The following POLR3E variants were observed in gnomAD, a reference collection of about 807,000 sequenced individuals.
POLR3E encodes RNA polymerase III subunit E.
In POLR3E, 41 loss-of-function variants were observed where a neutral mutation model predicts 96.6. That is an observed-to-expected ratio of 0.42 (90% confidence interval 0.33 to 0.55). The LOEUF (loss-of-function observed/expected upper bound fraction) is 0.55. Among genes scored for constraint, POLR3E ranks in the 20% least tolerant of loss-of-function variants. The pLI is 0.06. For synonymous variants in POLR3E, 396 were observed against 383.6 expected, an observed-to-expected ratio of 1.03 and a Z score of -0.38; for missense variants, 849 against 952.1, an observed-to-expected ratio of 0.89 and a Z score of 1.43.
chr16:22,324,804 G>T, intron 16 of POLR3E, 144 bp downstream of exon 16: 2 of 860,912 alleles, frequency 2.3e-6, no homozygotes, highest in South Asian at 3.0e-5. Context: ...GGTGTGAAGG[G>T]CAGGTGGGGG....
At chr16:22,328,914 T>C (rs2048671539) in intron 19 of POLR3E, 1 of 314,722 alleles carries the variant, frequency 3.2e-6, no homozygotes, top group Non-Finnish European at 6.2e-6. Context: ...TCACCTGAGG[T>C]TGGGAGTTTG....
intron 3 of POLR3E, chr16:22,305,535 G>C: frequency 1.8e-6 from 1 of 545,574 alleles, no homozygotes; most frequent in East Asian, 4.5e-5. Context: ...TTCCTCACTT[G>C]CAAAGTGGTG....
intron 9 of POLR3E, among the ~76,000 whole-genome samples, chr16:22,316,376 G>A (rs1035359349): frequency 1.3e-5 from 2 of 152,200 alleles, no homozygotes; most frequent in African/African-American, 4.8e-5. Context: ...TGGTGTACCT[G>A]TGTTACAGAC....
intron 5 of POLR3E, 32 bp downstream of exon 5, chr16:22,309,072 C>T: frequency 4.0e-6 from 6 of 1,488,712 alleles, no homozygotes; most frequent in South Asian, 1.1e-5. Flanking sequence ...TGTCCGGTTT[C>T]CCTGCGTTCA....
Position 22,305,170 on chromosome 16 carries a change from G to T in POLR3E, c.51G>T (p.Leu17Phe). The T allele has an allele frequency of 1.9e-6, 3 of 1,613,264 alleles. No homozygotes were observed. Among genetic ancestry groups the T allele is most frequent in the Non-Finnish European group, 2.5e-6 (3 of 1,179,316 alleles). The change falls in exon 3 of 21, where the codon TTG becomes TTT. Residue 17 changes from leucine (L) to phenylalanine (F), a missense_variant. Physicochemically the swap from Leu to Phe is conservative, Grantham distance 22 (BLOSUM62 0). Coordinates refer to ENST00000299853, the MANE Select transcript of POLR3E (RefSeq NM_018119.4). ...CTTCTTCCCAGATCGATGTGTACTTGGCCAAGAGTCTGGCGGAAAAGCTGT... is the reference window on the plus strand; with the variant it reads ...CTTCTTCCCAGATCGATGTGTACTTTGCCAAGAGTCTGGCGGAAAAGCTGT... ...DPVVQEIDVY[L>F]AKSLAEKLYL...
At chr16:22,329,829 A>G (rs920896232) in intron 19 of POLR3E, among the ~76,000 whole-genome samples, 4 of 152,068 alleles carry the variant, frequency 2.6e-5, no homozygotes, top group African/African-American at 9.7e-5. Context: ...GGGTCTCACT[A>G]TGTTGGCCAG....
At chr16:22,310,582 C>T (rs1036287187) in intron 6 of POLR3E, among the ~76,000 whole-genome samples, 20 of 149,552 alleles carry the variant, frequency 1.3e-4, no homozygotes, top group Admixed American at 4.7e-4. Context: ...CCACCATGCC[C>T]GGCCTGTGTC....
intron 2 of POLR3E, 48 bp downstream of exon 2, chr16:22,303,052 A>G (rs755070175): frequency 1.2e-5 from 19 of 1,557,532 alleles, no homozygotes; most frequent in Non-Finnish European, 1.6e-5. Flanking sequence ...AGGCAGTGGA[A>G]TTGGGTCCTT....
chr16:22,332,972 T>A (rs970044860), intron 20 of POLR3E, among the ~76,000 whole-genome samples: 2 of 142,496 alleles, frequency 1.4e-5, no homozygotes, highest in Non-Finnish European at 3.1e-5. Context: ...ACCCCCTTTT[T>A]TTTTTTTTTT....
At chr16:22,303,639 C>CTTTTTTTTTTTTTTTTTTTTTTTTTT (rs58949663) in intron 2 of POLR3E, among the ~76,000 whole-genome samples, 16 of 114,228 alleles carry the variant, frequency 1.4e-4, no homozygotes, top group African/African-American at 5.8e-4. Flanking sequence ...GCAGATTTCC[C>CTTTTTTTTTTTTTTTTTTTTTTTTTT]TTTTTTTTTT....
chr16:22,303,807 ATTTTT>A (rs56737281), intron 2 of POLR3E, among the ~76,000 whole-genome samples: 1 of 110,794 alleles, frequency 9.0e-6, no homozygotes, highest in African/African-American at 4.3e-5. Context: ...CGCCCGACTA[ATTTTT>A]TTTTTTTTTT....
At chr16:22,317,295 A>G in intron 12 of POLR3E, 89 bp downstream of exon 12, 2 of 936,718 alleles carry the variant, frequency 2.1e-6, no homozygotes, top group Non-Finnish European at 3.4e-6. Context: ...ACCAGGGGAC[A>G]AGGCCAGAGG....
chr16:22,309,532 G>C (rs780304873), intron 6 of POLR3E, 22 bp downstream of exon 6: 15 of 1,567,106 alleles, frequency 9.6e-6, no homozygotes, highest in Non-Finnish European at 1.3e-5. Flanking sequence ...TGGGTGTCCC[G>C]CGGTGGGGAC....
At chr16:22,304,166 T>G (rs928818830) in intron 2 of POLR3E, among the ~76,000 whole-genome samples, 1 of 152,118 alleles carries the variant, frequency 6.6e-6, no homozygotes, top group Admixed American at 6.5e-5. Flanking sequence ...TTCAGAATCC[T>G]TTTAACCCAG....
chr16:22,319,557 G>A (rs1443006866), intron 13 of POLR3E, among the ~76,000 whole-genome samples: 1 of 151,778 alleles, frequency 6.6e-6, no homozygotes, highest in Non-Finnish European at 1.5e-5. Flanking sequence ...CCGCCACCAC[G>A]CCCAGCTAAT....
chr16:22,320,901 C>T (rs1228014760), intron 13 of POLR3E, among the ~76,000 whole-genome samples: 1 of 152,082 alleles, frequency 6.6e-6, no homozygotes, highest in Non-Finnish European at 1.5e-5. Context: ...GTTCTTATTC[C>T]TTTGAAGGCA....
chr16:22,317,007 G>A lies in POLR3E; in HGVS notation c.741G>A (p.Met247Ile), dbSNP rs1057269313. Residue 247 changes from methionine (M) to isoleucine (I), a missense_variant, in exon 11 of 21, where the codon ATG becomes ATA. Transcript: ENST00000299853. The part of the protein sequence containing the change: ...ELVKSPSEYL[M>I]MLMPPSQEEE... ...CATGTCCCTGCAGTGAGTACCTGAT[G>A]ATGCTGATGCCACCCAGCCAGGAGG... The A allele has an allele frequency of 2.5e-6, 4 of 1,614,188 alleles. No individual in the cohort carries two copies. The highest frequency in any genetic ancestry group is 1.7e-5 in the Admixed American group (1 of 60,020).
In POLR3E at chr16:22,325,809, C is replaced by T. The variant is rs746957779; in HGVS notation, c.1397C>T (p.Thr466Ile). The T allele has an allele frequency of 6.2e-7, 1 of 1,604,638 alleles. No homozygotes were observed. The highest frequency in any genetic ancestry group is 8.5e-7 in the Non-Finnish European group (1 of 1,176,070). The stretch of plus-strand genomic sequence containing the variant: ...GACCAGCGGATCCAAGTAGCCAAAA[C>T]CAAGGCCCAGCAGAACCACGCGTTG... ...CGDQRIQVAK[T>I]KAQQNHALLE... Residue 466 changes from threonine (T) to isoleucine (I), a missense_variant, in exon 18 of 21, where the codon ACC becomes ATC. Transcript: ENST00000299853.
intron 6 of POLR3E, chr16:22,310,241 GC>G (rs1172647323): frequency 1.3e-5 from 2 of 152,970 alleles, no homozygotes; most frequent in Non-Finnish European, 2.9e-5. Context: ...CCCTGTGTAA[GC>G]CTAGGCTAAC....
Sources: allele counts gnomAD v4.1 joint callset (sites outside exome capture counted in the v4.1 genomes callset), GRCh38; gene constraint gnomAD v4.1.1; transcripts MANE v1.5; gene names NCBI Gene and HGNC (gene_info 2026-07-23, HGNC 2026-07-21).